The following CXCL13 variants were observed in gnomAD, a reference collection of about 807,000 sequenced individuals.
The protein encoded by CXCL13 is C-X-C motif chemokine ligand 13.
In CXCL13, 7 loss-of-function variants were observed where a neutral mutation model predicts 12.2. The observed-to-expected ratio is 0.57, with a 90% CI of 0.33 to 1.07. The LOEUF (loss-of-function observed/expected upper bound fraction) is 1.07, where lower values mean the gene tolerates loss of function less well. Ranked by LOEUF, CXCL13 falls within the 50% of genes least tolerant of loss-of-function variation. The probability of loss-of-function intolerance (pLI) is 0.04; values close to 1 mark genes in which losing one functional copy is unlikely to be tolerated. For synonymous variants in CXCL13, 47 were observed against 42.4 expected (o/e 1.11, Z -0.42); for missense variants, 113 against 127.4 (o/e 0.89, Z 0.55).
intron 1 of CXCL13, among the ~76,000 whole-genome samples, chr4:77,577,361 C>T (rs114226772): frequency 1.3e-5 from 2 of 152,106 alleles, no homozygotes; most frequent in Admixed American, 6.5e-5. Context: ...CCAACCCCCA[C>T]CAAGACACAT....
intron 1 of CXCL13, among the ~76,000 whole-genome samples, chr4:77,588,594 G>A (rs1213287121): frequency 1.3e-5 from 2 of 152,174 alleles, no homozygotes; most frequent in East Asian, 3.8e-4. Flanking sequence ...ATGTGTATTT[G>A]TCAACAGTGG....
chr4:77,535,268 C>T (rs932691374), intron 1 of CXCL13, among the ~76,000 whole-genome samples: 1 of 152,022 alleles, frequency 6.6e-6, no homozygotes, highest in Admixed American at 6.6e-5. Flanking sequence ...TACTGTAAGC[C>T]CTGGAGGTGC....
chr4:77,579,969 C>G (rs1203643593), intron 1 of CXCL13, among the ~76,000 whole-genome samples: 1 of 152,136 alleles, frequency 6.6e-6, no homozygotes, highest in Non-Finnish European at 1.5e-5. Flanking sequence ...ACAGGCCAGG[C>G]ATAGACACAG....
intron 1 of CXCL13, among the ~76,000 whole-genome samples, chr4:77,532,001 A>G (rs1010238819): frequency 6.6e-6 from 1 of 152,036 alleles, no homozygotes; most frequent in Non-Finnish European, 1.5e-5. Context: ...TCTTTATCCA[A>G]TTTGCCAGTC....
intron 1 of CXCL13, among the ~76,000 whole-genome samples, chr4:77,536,576 G>T (rs1350800096): frequency 1.3e-5 from 2 of 152,102 alleles, no homozygotes; most frequent in Non-Finnish European, 2.9e-5. Flanking sequence ...TAAATTTGTT[G>T]TGGAGATCAA....
At chr4:77,523,001 G>A (rs1724653205) in intron 1 of CXCL13, among the ~76,000 whole-genome samples, 1 of 152,134 alleles carries the variant, frequency 6.6e-6, no homozygotes, top group African/African-American at 2.4e-5. Flanking sequence ...ATTCTAGGTT[G>A]AAAATTCTTT....
At chr4:77,519,291 C>T (rs1358239976) in intron 1 of CXCL13, among the ~76,000 whole-genome samples, 6 of 152,192 alleles carry the variant, frequency 3.9e-5, no homozygotes, top group East Asian at 1.9e-4. Flanking sequence ...TCTCCAGCTG[C>T]GTGCTGGGAG....
chr4:77,538,228 A>T (rs1330829954), intron 1 of CXCL13, among the ~76,000 whole-genome samples: 1 of 152,174 alleles, frequency 6.6e-6, no homozygotes, highest in Non-Finnish European at 1.5e-5. Context: ...TCAGTTCATG[A>T]CTACATAGGC....
intron 1 of CXCL13, among the ~76,000 whole-genome samples, chr4:77,530,965 G>T (rs983796355): frequency 1.3e-5 from 2 of 151,528 alleles, no homozygotes; most frequent in Non-Finnish European, 2.9e-5. Flanking sequence ...AGAGATTCTG[G>T]TATCTTGTGT....
intron 1 of CXCL13, among the ~76,000 whole-genome samples, chr4:77,586,348 G>C (rs753566441): frequency 7.2e-5 from 11 of 152,064 alleles, no homozygotes; most frequent in Non-Finnish European, 1.2e-4. Flanking sequence ...AATTTGGTGA[G>C]AGAGTGCTGT....
At chr4:77,556,399 AC>A (rs1198041144) in intron 1 of CXCL13, among the ~76,000 whole-genome samples, 1 of 152,090 alleles carries the variant, frequency 6.6e-6, no homozygotes, top group African/African-American at 2.4e-5. Flanking sequence ...AGGAAAACTA[AC>A]CCATAGTGAC....
intron 1 of CXCL13, among the ~76,000 whole-genome samples, chr4:77,549,690 G>A (rs1725460064): frequency 2.0e-5 from 3 of 152,158 alleles, no homozygotes; most frequent in South Asian, 4.1e-4. Flanking sequence ...AAATGTTACT[G>A]CCTGATCCTT....
intron 3 of CXCL13, 32 bp downstream of exon 3, chr4:77,610,726 C>T: frequency 6.7e-7 from 1 of 1,484,142 alleles, no homozygotes; most frequent in Non-Finnish European, 9.4e-7. Context: ...GTTTCAGATT[C>T]CAACTTGTAC....
chr4:77,565,331 C>T (rs1725902690), intron 1 of CXCL13, among the ~76,000 whole-genome samples: 1 of 152,168 alleles, frequency 6.6e-6, no homozygotes, highest in Non-Finnish European at 1.5e-5. Flanking sequence ...ACATTCCTCC[C>T]TCTCCTCCCC....
chr4:77,557,333 G>T (rs74546344), intron 1 of CXCL13, among the ~76,000 whole-genome samples: 420 of 152,264 alleles, frequency 2.8e-3, no homozygotes, highest in African/African-American at 9.8e-3. Context: ...TCATCCCAGT[G>T]TACACTTGCA....
At chr4:77,523,462 A>T (rs974652649) in intron 1 of CXCL13, among the ~76,000 whole-genome samples, 7 of 151,822 alleles carry the variant, frequency 4.6e-5, no homozygotes, top group African/African-American at 7.3e-5. Flanking sequence ...CATTAATTTG[A>T]TCTTCAGTGA....
intron 1 of CXCL13, among the ~76,000 whole-genome samples, chr4:77,545,430 T>A (rs922811629): frequency 1.3e-5 from 2 of 152,192 alleles, no homozygotes; most frequent in Admixed American, 6.5e-5. Flanking sequence ...CCTTGAGCAG[T>A]GGTTTGTAGT....
At chr4:77,563,536 A>G (rs766840046) in intron 1 of CXCL13, among the ~76,000 whole-genome samples, 1 of 152,214 alleles carries the variant, frequency 6.6e-6, no homozygotes, top group Non-Finnish European at 1.5e-5. Flanking sequence ...AGATAGCAGA[A>G]GAGTAACCTT....
At chr4:77,591,779 T>C (rs539527587) in intron 1 of CXCL13, among the ~76,000 whole-genome samples, 1 of 152,258 alleles carries the variant, frequency 6.6e-6, no homozygotes, top group East Asian at 1.9e-4. Context: ...ATCCACGCCA[T>C]TCACCACTGT....
Sources: allele counts gnomAD v4.1 joint callset (sites outside exome capture counted in the v4.1 genomes callset), GRCh38; gene constraint gnomAD v4.1.1; transcripts MANE v1.5; gene names NCBI Gene and HGNC (gene_info 2026-07-23, HGNC 2026-07-21).